Variants in RCAN2 observed in about 807,000 individuals in gnomAD.
RCAN2 encodes calcipressin-2.
In RCAN2, 9 loss-of-function variants were observed where a neutral mutation model predicts 23.6. The ratio of observed to expected loss-of-function variants is 0.38; its 90% confidence interval spans 0.23 to 0.67. The LOEUF is 0.67. RCAN2 is among the 30% of genes least tolerant of loss of function. RCAN2 has a pLI of 0.51. For synonymous variants in RCAN2, 109 were observed against 115.7 expected, an observed-to-expected ratio of 0.94 and a Z score of 0.37; for missense variants, 273 against 302.3, an observed-to-expected ratio of 0.90 and a Z score of 0.72.
intron 2 of RCAN2, among the ~76,000 whole-genome samples, chr6:46,281,544 A>G (rs1767919149): frequency 6.6e-6 from 1 of 152,250 alleles, no homozygotes; most frequent in Non-Finnish European, 1.5e-5. Context: ...GAATTATTTA[A>G]TCAGAGAAAA....
At chr6:46,331,453 A>T (rs1370007496) in intron 2 of RCAN2, among the ~76,000 whole-genome samples, 3 of 152,236 alleles carry the variant, frequency 2.0e-5, no homozygotes, top group Non-Finnish European at 4.4e-5. Context: ...ACTACAATAC[A>T]TTGAGGTTTA....
chr6:46,418,272 T>C (rs541118086), intron 2 of RCAN2, among the ~76,000 whole-genome samples: 2 of 152,306 alleles, frequency 1.3e-5, no homozygotes, highest in African/African-American at 4.8e-5. Flanking sequence ...GTTATATAAA[T>C]GTGCAAGTTA....
In RCAN2 at chr6:46,441,702, T is replaced by C. The variant is rs1349184256; in HGVS notation, c.225+15050A>G. On this transcript the variant is annotated intron_variant, in intron 2 of 4. Coordinates refer to ENST00000371374, the MANE Select transcript of RCAN2 (RefSeq NM_001251974.2). Reference sequence around the variant, plus strand: ...TGTTTAAAATAATAGTCAGGCTATATGATAGAACATTCCCAGTAAAATAGA... The same window carrying C: ...TGTTTAAAATAATAGTCAGGCTATACGATAGAACATTCCCAGTAAAATAGA... Among the ~76,000 whole-genome samples, 4 of 152,176 alleles carry C rather than the reference T, an allele frequency of 2.6e-5. 1 individual carries two copies. Among genetic ancestry groups the C allele is most frequent in the East Asian group, 1.9e-4 (1 of 5,200 alleles).
chr6:46,340,370 C>G (rs1764276851), intron 2 of RCAN2, among the ~76,000 whole-genome samples: 1 of 152,268 alleles, frequency 6.6e-6, no homozygotes, highest in African/African-American at 2.4e-5. Flanking sequence ...GTTTGTGCTC[C>G]CCCTGTATAG....
intron 2 of RCAN2, among the ~76,000 whole-genome samples, chr6:46,303,203 G>A (rs768619540): frequency 2.1e-4 from 32 of 151,684 alleles, no homozygotes; most frequent in South Asian, 4.2e-4. Context: ...TGGGTCCTGC[G>A]TTCCTTAGTG....
At chr6:46,318,859 G>A (rs759240335) in intron 2 of RCAN2, among the ~76,000 whole-genome samples, 98 of 151,946 alleles carry the variant, frequency 6.4e-4, no homozygotes, top group Non-Finnish European at 5.0e-4. Context: ...TACATATATC[G>A]AACCTTTTCT....
intron 2 of RCAN2, among the ~76,000 whole-genome samples, chr6:46,432,897 T>A (rs988342765): frequency 4.6e-5 from 7 of 152,196 alleles, no homozygotes; most frequent in African/African-American, 1.7e-4. Context: ...ACATATTCAC[T>A]ATAAACCTGA....
intron 1 of RCAN2, among the ~76,000 whole-genome samples, chr6:46,470,198 G>T (rs1282865569): frequency 4.6e-5 from 7 of 151,896 alleles, no homozygotes; most frequent in Admixed American, 4.6e-4. Flanking sequence ...TTTTGATAGT[G>T]CAGCCGACAG....
At chr6:46,396,521 T>C (rs994122080) in intron 2 of RCAN2, among the ~76,000 whole-genome samples, 3 of 152,158 alleles carry the variant, frequency 2.0e-5, no homozygotes, top group Non-Finnish European at 4.4e-5. Context: ...TGTTTTGAGA[T>C]GCGTTTATGT....
chr6:46,301,685 G>A (rs1442364828), intron 2 of RCAN2, among the ~76,000 whole-genome samples: 1 of 152,070 alleles, frequency 6.6e-6, no homozygotes, highest in African/African-American at 2.4e-5. Context: ...AGAAGTGACT[G>A]AGTAAGGGAG....
intron 4 of RCAN2, among the ~76,000 whole-genome samples, chr6:46,231,218 G>C (rs559853735): frequency 1.3e-5 from 2 of 152,214 alleles, no homozygotes; most frequent in African/African-American, 4.8e-5. Flanking sequence ...TATACATAGG[G>C]AGAATGCCAT....
chr6:46,425,059 C>G (rs1238524213), intron 2 of RCAN2, among the ~76,000 whole-genome samples: 2 of 152,060 alleles, frequency 1.3e-5, no homozygotes, highest in African/African-American at 2.4e-5. Flanking sequence ...GCATGTGGTC[C>G]CCTTTCTTCA....
intron 2 of RCAN2, among the ~76,000 whole-genome samples, chr6:46,294,939 C>CA (rs1272008566): frequency 1.3e-5 from 2 of 151,784 alleles, no homozygotes; most frequent in Non-Finnish European, 2.9e-5. Context: ...TGGAGAGTGA[C>CA]AAAAAATAAA....
At chr6:46,458,763 A>C (rs1429501699) in intron 1 of RCAN2, among the ~76,000 whole-genome samples, 1 of 152,230 alleles carries the variant, frequency 6.6e-6, no homozygotes, top group Non-Finnish European at 1.5e-5. Flanking sequence ...TGTTGCTTGA[A>C]TATTTTAGCA....
chr6:46,273,054 A>T (rs1223688481), intron 2 of RCAN2, among the ~76,000 whole-genome samples: 1 of 152,114 alleles, frequency 6.6e-6, no homozygotes. Flanking sequence ...GCCTTCATGG[A>T]CCTTAGCTAT....
chr6:46,455,047 G>T (rs1016388519), intron 2 of RCAN2, among the ~76,000 whole-genome samples: 3 of 152,226 alleles, frequency 2.0e-5, no homozygotes, highest in Admixed American at 6.5e-5. Flanking sequence ...GATATTTAGA[G>T]AAATGGATGA....
At chr6:46,277,236 T>C (rs1345759093) in intron 2 of RCAN2, among the ~76,000 whole-genome samples, 1 of 152,228 alleles carries the variant, frequency 6.6e-6, no homozygotes, top group Non-Finnish European at 1.5e-5. Context: ...TGGGCTCAGA[T>C]TTCCACATGG....
intron 4 of RCAN2, among the ~76,000 whole-genome samples, chr6:46,226,279 C>G (rs907863375): frequency 1.6e-4 from 24 of 151,956 alleles, no homozygotes; most frequent in Non-Finnish European, 2.8e-4. Flanking sequence ...GCTCTTTTTT[C>G]GTTCCATATG....
At chr6:46,366,782 G>A (rs1207192850) in intron 2 of RCAN2, among the ~76,000 whole-genome samples, 1 of 150,804 alleles carries the variant, frequency 6.6e-6, no homozygotes, top group Non-Finnish European at 1.5e-5. Context: ...CTTCTCCTTG[G>A]GTAGAAATTC....
Sources: allele counts gnomAD v4.1 joint callset (sites outside exome capture counted in the v4.1 genomes callset), GRCh38; gene constraint gnomAD v4.1.1; transcripts MANE v1.5; gene names NCBI Gene and HGNC (gene_info 2026-07-23, HGNC 2026-07-21).